Variants in TNN observed in about 807,000 individuals in gnomAD.
TNN encodes tenascin N, also known as tenascin-N.
In TNN, 122 loss-of-function variants were observed where a neutral mutation model predicts 134.4. The observed-to-expected ratio is 0.91, with a 90% confidence interval of 0.78 to 1.06. The LOEUF (loss-of-function observed/expected upper bound fraction) is 1.06. Among genes scored for constraint, TNN ranks in the 50% least tolerant of loss-of-function variants. The pLI, the probability that TNN is intolerant of heterozygous loss-of-function variation, is 0.00. For synonymous variants in TNN, 710 were observed against 670.3 expected (o/e 1.06, Z -0.91); for missense variants, 1,739 against 1,699.4 (o/e 1.02, Z -0.41).
At position 175,077,603 on chromosome 1, in the gene TNN, C is replaced by G; in HGVS notation, c.185C>G (p.Pro62Arg). 1 of 1,614,220 alleles carries G rather than the reference C, an allele frequency of 6.2e-7. No homozygotes were observed. Among genetic ancestry groups the G allele is most frequent in the Non-Finnish European group, 8.5e-7 (1 of 1,180,028 alleles). Residue 62 changes from proline to arginine, a missense_variant, in exon 2 of 19, where the codon CCT (proline) becomes CGT (arginine). Transcript: ENST00000239462. ...KSALVQVDAD[P>R]QPLSDDGASL... ...GCCTTGGTTCAGGTTGACGCTGACC[C>G]TCAGCCCCTCAGTGACGATGGGGCT...
chr1:175,123,264 G>A (rs1675422259), intron 11 of TNN, 136 bp from the exon 12 acceptor site: 1 of 991,700 alleles, frequency 1.0e-6, no homozygotes, highest in Non-Finnish European at 1.5e-6. Context: ...GAGACCAGGG[G>A]CCTTTGACTC....
chr1:175,125,710 T>C (rs1363684387), intron 12 of TNN, among the ~76,000 whole-genome samples: 5 of 27,114 alleles, frequency 1.8e-4, no homozygotes, highest in African/African-American at 1.1e-3. Context: ...TCTCTCTTTC[T>C]TTCTTTCTTT....
At chr1:175,125,688 TTCTC>T (rs1188755120) in intron 12 of TNN, among the ~76,000 whole-genome samples, 6 of 74,586 alleles carry the variant, frequency 8.0e-5, no homozygotes, top group East Asian at 3.3e-4. Flanking sequence ...CCTCCTTTCT[TTCTC>T]TCTTTTTTCT....
chr1:175,120,009 T>C (rs548594164), intron 11 of TNN, among the ~76,000 whole-genome samples: 1 of 152,248 alleles, frequency 6.6e-6, no homozygotes, highest in Non-Finnish European at 1.5e-5. Context: ...TAGGAAATAA[T>C]GTAAAACCAA....
rs879931152 is a variant in TNN at position 175,103,374 on chromosome 1, G to A, written c.2119+4779G>A. On this transcript the variant is annotated intron_variant, in intron 9 of 18. Coordinates refer to ENST00000239462, the MANE Select transcript of TNN (RefSeq NM_022093.2). Reference sequence around the variant, plus strand: ...TGTCCTCCTTTTTCAGCAGTGAGGAGGTCTAGGCCTCTGCAGTTTTGGAGA... The same window carrying A: ...TGTCCTCCTTTTTCAGCAGTGAGGAAGTCTAGGCCTCTGCAGTTTTGGAGA... 2.7e-5 allele frequency among the ~76,000 whole-genome samples: 4 copies of A among 146,168 alleles called. No individual in the cohort carries two copies. The Admixed American group carries it at 2.7e-4, about 10-fold the overall frequency.
chr1:175,110,790 T>C (rs2149437030), intron 9 of TNN, among the ~76,000 whole-genome samples: 1 of 152,316 alleles, frequency 6.6e-6, no homozygotes, highest in East Asian at 1.9e-4. Context: ...CATATTAGAG[T>C]CAGCTCATGT....
In TNN at chr1:175,127,086, G is replaced by T. The variant is rs1416543932; in HGVS notation, c.3045+1G>T. 6.2e-7 allele frequency: 1 copy of T among 1,612,460 alleles called. No individual in the cohort carries two copies. The highest frequency in any genetic ancestry group is 1.1e-5 in the South Asian group (1 of 90,700). On this transcript the variant is annotated splice_donor_variant, in intron 13 of 18. Coordinates refer to ENST00000239462, the MANE Select transcript of TNN (RefSeq NM_022093.2). LOFTEE classifies it high-confidence loss of function. ...CCAGTTCCCAGATGGCACAGTTAAG[G>T]TACGGGGATTCCTTGTCTTTTCTCC...
At chr1:175,126,008 G>T (rs1217605989) in intron 12 of TNN, among the ~76,000 whole-genome samples, 4 of 136,140 alleles carry the variant, frequency 2.9e-5, no homozygotes, top group Admixed American at 8.3e-5. Flanking sequence ...CTGTTCCCTT[G>T]CCTTCTCCTT....
intron 9 of TNN, among the ~76,000 whole-genome samples, chr1:175,099,818 G>A (rs1363908178): frequency 2.0e-5 from 3 of 152,076 alleles, no homozygotes; most frequent in Non-Finnish European, 4.4e-5. Context: ...GCACTTCTGT[G>A]CTCCTCTTCT....
At chr1:175,091,957 CTGG>C (rs2149431053) in intron 6 of TNN, among the ~76,000 whole-genome samples, 1 of 152,280 alleles carries the variant, frequency 6.6e-6, no homozygotes, top group East Asian at 1.9e-4. Flanking sequence ...GCTGTGGGTC[CTGG>C]AAGCAATGGT....
At position 175,098,525 on chromosome 1, in the gene TNN, G is replaced by A. The variant is rs1179780740; in HGVS notation, c.2049G>A (p.Glu683=). ...TGACAGGCCTGAGACCGGGTATGGAGTACATGGTGCACGTGTGGGCCCAGA... is the reference window on the plus strand; with the variant it reads ...TGACAGGCCTGAGACCGGGTATGGAATACATGGTGCACGTGTGGGCCCAGA... ...TVLTGLRPGM[E]YMVHVWAQKG... is the part of the protein sequence containing the mutation. The change falls in exon 9 of 19, where the codon GAG becomes GAA. Residue 683 remains glutamate (E), a synonymous_variant. Transcript: ENST00000239462. 3 of 1,614,062 alleles carry A rather than the reference G, an allele frequency of 1.9e-6. No individual in the cohort carries two copies. Among genetic ancestry groups the A allele is most frequent in the African/African-American group, 2.7e-5 (2 of 74,922 alleles).
chr1:175,100,710 T>C (rs1674700571), intron 9 of TNN, among the ~76,000 whole-genome samples: 1 of 149,206 alleles, frequency 6.7e-6, no homozygotes, highest in African/African-American at 2.5e-5. Context: ...GTTTTTTTTT[T>C]TGGTGAATGT....
chr1:175,101,043 T>G (rs1674708556), intron 9 of TNN, among the ~76,000 whole-genome samples: 1 of 152,240 alleles, frequency 6.6e-6, no homozygotes, highest in Non-Finnish European at 1.5e-5. Flanking sequence ...TATTTTGAAA[T>G]GTACAATAAA....
chr1:175,125,502 T>G (rs995222805), intron 12 of TNN, among the ~76,000 whole-genome samples: 4 of 152,066 alleles, frequency 2.6e-5, no homozygotes, highest in Admixed American at 1.3e-4. Flanking sequence ...GAAGAAGAGC[T>G]CTGCTTTTCC....
At chr1:175,118,186 A>G (rs1675235782) in intron 10 of TNN, among the ~76,000 whole-genome samples, 1 of 152,196 alleles carries the variant, frequency 6.6e-6, no homozygotes, top group Admixed American at 6.5e-5. Flanking sequence ...TGAGACACAA[A>G]ATTGTTAGTT....
At chr1:175,089,480 G>A (rs1320394904) in intron 6 of TNN, among the ~76,000 whole-genome samples, 2 of 152,218 alleles carry the variant, frequency 1.3e-5, no homozygotes, top group Non-Finnish European at 2.9e-5. Context: ...TGGGGGATTG[G>A]CGAGGGGAAT....
chr1:175,086,546 A>C (rs1370078925), intron 6 of TNN, among the ~76,000 whole-genome samples: 1 of 152,194 alleles, frequency 6.6e-6, no homozygotes, highest in East Asian at 1.9e-4. Context: ...GCTGGTAAAG[A>C]AGGAGTCTTT....
chr1:175,131,532 G>A (rs765546600), intron 15 of TNN, among the ~76,000 whole-genome samples: 2 of 152,150 alleles, frequency 1.3e-5, no homozygotes, highest in Non-Finnish European at 2.9e-5. Context: ...AATGGGAGTG[G>A]ATTAGACTCT....
At chr1:175,132,152 C>A (rs761926594) in intron 15 of TNN, among the ~76,000 whole-genome samples, 81 of 152,190 alleles carry the variant, frequency 5.3e-4, no homozygotes, top group Middle Eastern at 3.4e-3. Flanking sequence ...GTCCTTGGTA[C>A]AACAAGAGTC....
Sources: gnomAD v4.1 joint callset for allele counts (sites outside exome capture counted in the v4.1 genomes callset) on GRCh38, gnomAD v4.1.1 for gene constraint, MANE v1.5 for transcripts, NCBI Gene and HGNC (gene_info 2026-07-23, HGNC 2026-07-21) for gene names.